The following OBSL1 variants were observed in gnomAD, a reference collection of about 807,000 sequenced individuals.
OBSL1 encodes the protein obscurin like cytoskeletal adaptor 1.
OBSL1 carries 160 observed loss-of-function variants against 172.0 expected under a neutral mutation model. That is an observed-to-expected ratio of 0.93 (90% confidence interval 0.82 to 1.06). The LOEUF (loss-of-function observed/expected upper bound fraction) is 1.06, where lower values mean the gene tolerates loss of function less well. Among genes scored for constraint, OBSL1 ranks in the 50% least tolerant of loss-of-function variants. OBSL1 has a pLI of 0.00. For missense variants in OBSL1, 2,681 were observed against 2,715.4 expected, an observed-to-expected ratio of 0.99 and a Z score of 0.28; for synonymous variants, 1,200 against 1,196.3, an observed-to-expected ratio of 1.00 and a Z score of -0.06.
intron 8 of OBSL1, chr2:219,559,764 C>T (rs1696324723): frequency 6.2e-6 from 3 of 480,534 alleles, no homozygotes; most frequent in South Asian, 3.7e-5. Context: ...CCCCCTTCAT[C>T]GGTCACGTTA....
chr2:219,549,187 A>T, downstream of OBSL1: 1 of 1,613,992 alleles, frequency 6.2e-7, no homozygotes, highest in Non-Finnish European at 8.5e-7. Context: ...CGTGCAACTG[A>T]TGCGGATTCG....
At position 219,557,936 on chromosome 2, in the gene OBSL1, G is replaced by C. The variant is rs778594059; in HGVS notation, c.3677C>G (p.Pro1226Arg). ...AGCCTGGATGCAGAGGACTCGGCGG[G>C]GGCCCTCGGCATGGAGCTCTAGGCC... ...GEGLELHAEGPRRVLCIQAAG... is the reference protein window; with the variant it reads ...GEGLELHAEGRRRVLCIQAAG... The change falls in exon 11 of 21, where the codon CCC becomes CGC. Residue 1226 changes from proline to arginine, a missense_variant. Around this residue, in one of 5 missense-constraint regions of OBSL1, gnomAD observed 1,765 missense variants for 1,748.3 expected, o/e 1.01. Transcript: ENST00000404537. 5.9e-5 allele frequency: 95 copies of C among 1,605,728 alleles called. No individual in the cohort carries two copies. In the African/African-American group the frequency reaches 1.3e-3, roughly 21 times the overall value.
intron 16 of OBSL1, 125 bp from the exon 17 acceptor site, chr2:219,553,149 G>T: frequency 7.8e-7 from 1 of 1,285,902 alleles, no homozygotes; most frequent in Non-Finnish European, 1.0e-6. Context: ...CGTGTCTCGT[G>T]TTCCCAGGCT....
At chr2:219,554,098 C>T in intron 15 of OBSL1, 1 of 398,088 alleles carries the variant, frequency 2.5e-6, no homozygotes. Flanking sequence ...CTGGAGTGGT[C>T]ACGGGGCCCA....
Position 219,563,384 on chromosome 2 carries a change from T to A in OBSL1, c.2651A>T (p.Glu884Val). 1 of 1,598,222 alleles carries A rather than the reference T, an allele frequency of 6.3e-7. No individual in the cohort carries two copies. Among genetic ancestry groups the A allele is most frequent in the Non-Finnish European group, 8.5e-7 (1 of 1,170,374 alleles). ...GATGGTGACAGTGAAGTAGGCACAC[T>A]CATCTCCAGCGACGCACTGAAACTC... The part of the protein sequence containing the change: ...GGEFQCVAGD[E>V]CAYFTVTITD... The change falls in exon 7 of 21, where the codon GAG (glutamate) becomes GTG (valine). Residue 884 changes from glutamate (E) to valine (V), a missense_variant. This residue lies in a region of OBSL1 where 1,765 missense variants were observed against 1,748.3 expected (regional missense o/e 1.01). Coordinates refer to ENST00000404537, the MANE Select transcript of OBSL1 (RefSeq NM_015311.3).
In OBSL1 at chr2:219,559,365, A is replaced by C; in HGVS notation, c.3086T>G (p.Val1029Gly). The C allele has an allele frequency of 1.9e-6, 3 of 1,613,902 alleles. No individual in the cohort carries two copies. The highest frequency in any genetic ancestry group is 2.5e-6 in the Non-Finnish European group (3 of 1,179,852). The change falls in exon 9 of 21, where the codon GTG (valine) becomes GGG (glycine). Residue 1029 changes from valine (V) to glycine (G), a missense_variant. Around this residue, in one of 5 missense-constraint regions of OBSL1, gnomAD observed 1,765 missense variants for 1,748.3 expected, o/e 1.01. Coordinates refer to ENST00000404537, the MANE Select transcript of OBSL1 (RefSeq NM_015311.3). Reference protein sequence around the residue: ...PVRWYKDGLEVEESEALVLER... With the variant: ...PVRWYKDGLEGEESEALVLER... ...CAGCACCAGGGCCTCGCTCTCCTCC[A>C]CTTCCAGCCCATCCTTGTACCAGCG...
At chr2:219,549,193 A>AT, downstream of OBSL1, 2 of 1,613,982 alleles carry the variant, frequency 1.2e-6, no homozygotes, top group Non-Finnish European at 1.7e-6. Flanking sequence ...ACTGATGCGG[A>AT]TTCGGCAGCA....
intron 12 of OBSL1, chr2:219,557,022 C>T: frequency 1.4e-5 from 7 of 488,548 alleles, no homozygotes; most frequent in Non-Finnish European, 1.8e-5. Context: ...AAGAAAAGCA[C>T]TATCCCCTCT....
chr2:219,557,487 G>A lies in OBSL1; in HGVS notation c.3922C>T (p.Arg1308Ter), dbSNP rs561778744. 272 of 1,552,692 alleles carry A rather than the reference G, an allele frequency of 1.8e-4. No homozygotes were observed. Among genetic ancestry groups the A allele is most frequent in the Admixed American group, 2.9e-4 (15 of 51,476 alleles). The change falls in exon 12 of 21, where the codon CGA (arginine) becomes TGA (stop). Residue 1308 changes from arginine to a stop codon, truncating the protein, a stop_gained. Transcript: ENST00000404537. LOFTEE classifies it high-confidence loss of function. ...TGCACCCGCCCCTGGCTTGCCAGTC[G>A]CTCCCCGTCCTTGTACCAGCGTACA... ...GPVRWYKDGERLASQGRVQLE... is the reference protein window; with the variant it reads ...GPVRWYKDGE
intron 8 of OBSL1, among the ~76,000 whole-genome samples, chr2:219,560,601 G>A (rs1371406955): frequency 1.3e-5 from 2 of 152,100 alleles, no homozygotes; most frequent in Non-Finnish European, 2.9e-5. Context: ...CCCAATCAGG[G>A]GCCAGGGTTG....
chr2:219,565,513 C>G lies in OBSL1; in HGVS notation c.2136G>C (p.Glu712Asp). Residue 712 changes from glutamate (E) to aspartate (D), a missense_variant and splice_region_variant, in exon 6 of 21, where the codon GAG (glutamate) becomes GAC (aspartate). Coordinates refer to ENST00000404537, the MANE Select transcript of OBSL1 (RefSeq NM_015311.3). ...VQDSAALTIQESPVHILSPQD... is the reference protein window; with the variant it reads ...VQDSAALTIQDSPVHILSPQD... ...GGGGGCTCAGGATGTGCACCGGGCT[C>G]TCTGTGTGGGGAGAAGTACAGATAA... The G allele has an allele frequency of 6.2e-7, 1 of 1,605,478 alleles. No individual in the cohort carries two copies. Among genetic ancestry groups the G allele is most frequent in the South Asian group, 1.1e-5 (1 of 91,082 alleles).
chr2:219,557,837 G>T lies in OBSL1; in HGVS notation c.3776C>A (p.Thr1259Asn). ...AAPGAPSLSF[T>N]VQVAEPPVRV... ...GCTGTACTCACCAGCCACCTGGACG[G>T]TGAAGCTGAGGCTTGGGGCTCCGGG... Residue 1259 changes from threonine (T) to asparagine (N), a missense_variant, in exon 11 of 21, where the codon ACC becomes AAC. Coordinates refer to ENST00000404537, the MANE Select transcript of OBSL1 (RefSeq NM_015311.3). 6.3e-7 allele frequency: 1 copy of T among 1,598,768 alleles called. No homozygotes were observed.
rs770524599 is a variant in OBSL1, at chr2:219,553,624, T to C, written c.4939A>G (p.Thr1647Ala). 26 of 1,613,774 alleles carry C rather than the reference T, an allele frequency of 1.6e-5. No individual in the cohort carries two copies. The highest frequency in any genetic ancestry group is 2.1e-5 in the Non-Finnish European group (25 of 1,179,886). The change falls in exon 16 of 21, where the codon ACG (threonine) becomes GCG (alanine). Residue 1647 changes from threonine (T) to alanine (A), a missense_variant. Coordinates refer to ENST00000404537, the MANE Select transcript of OBSL1 (RefSeq NM_015311.3). ...GCTTGGGAAAGCTCGCACTCGAACGTAGCTGTGTCGCCCTCGGTCACCTCT... is the reference window on the plus strand; with the variant it reads ...GCTTGGGAAAGCTCGCACTCGAACGCAGCTGTGTCGCCCTCGGTCACCTCT... ...DLEVTEGDTA[T>A]FECELSQALA...
intron 15 of OBSL1, 68 bp from the exon 16 acceptor site, chr2:219,553,754 G>T (rs1216687630): frequency 4.5e-6 from 5 of 1,119,494 alleles, no homozygotes; most frequent in Non-Finnish European, 6.6e-6. Flanking sequence ...GGGACAAGGA[G>T]GACATACACT....
intron 15 of OBSL1, among the ~76,000 whole-genome samples, chr2:219,553,915 A>T (rs923003923): frequency 1.3e-5 from 2 of 151,522 alleles, no homozygotes; most frequent in African/African-American, 4.9e-5. Flanking sequence ...TGGGAGTCAC[A>T]CTTTAAGGTG....
chr2:219,565,550 T>A, intron 5 of OBSL1, 36 bp from the exon 6 acceptor site: 7 of 1,588,188 alleles, frequency 4.4e-6, no homozygotes, highest in Non-Finnish European at 6.0e-6. Flanking sequence ...CACCCCTCCC[T>A]CCGGTGCATG....
chr2:219,550,883 G>A, intron 20 of OBSL1, 41 bp from the exon 21 acceptor site: 2 of 1,604,184 alleles, frequency 1.2e-6, no homozygotes, highest in Non-Finnish European at 1.7e-6. Context: ...GGAGAGAAGG[G>A]GGTACCACCT....
downstream of OBSL1, chr2:219,550,679 G>C: frequency 1.0e-6 from 1 of 998,864 alleles, no homozygotes. Flanking sequence ...ACTGCACAGG[G>C]GCTCCAGGCA....
At position 219,552,109 on chromosome 2, in the gene OBSL1, T is replaced by C; in HGVS notation, c.5413+3A>G. The C allele has an allele frequency of 1.2e-6, 2 of 1,605,362 alleles. No homozygotes were observed. Among genetic ancestry groups the C allele is most frequent in the Non-Finnish European group, 1.7e-6 (2 of 1,176,286 alleles). On this transcript the variant is annotated splice_donor_region_variant and intron_variant, in intron 19 of 20. Coordinates refer to ENST00000404537, the MANE Select transcript of OBSL1 (RefSeq NM_015311.3). ...CTCTGTCGCTCCCACCCCAGGTGCT[T>C]ACCCTCCACTTCCAGTAGAGCCAGG...
Sources: allele counts gnomAD v4.1 joint callset (sites outside exome capture counted in the v4.1 genomes callset), GRCh38; gene constraint gnomAD v4.1.1; regional missense constraint gnomAD v4.1.1; transcripts MANE v1.5; gene names NCBI Gene and HGNC (gene_info 2026-07-23, HGNC 2026-07-21).